Variants in PAQR8 observed in about 807,000 individuals in gnomAD.
PAQR8 encodes the protein membrane progestin receptor beta.
In PAQR8, 17 loss-of-function variants were observed where a neutral mutation model predicts 25.2. The observed-to-expected ratio is 0.67, with a 90% confidence interval of 0.46 to 1.01. The LOEUF (loss-of-function observed/expected upper bound fraction) is 1.01, where lower values mean the gene tolerates loss of function less well. Ranked by LOEUF, PAQR8 falls within the 50% of genes least tolerant of loss-of-function variation. The pLI is 0.00. For synonymous variants in PAQR8, 204 were observed against 190.6 expected (o/e 1.07, Z -0.58); for missense variants, 392 against 448.4 (o/e 0.87, Z 1.14).
rs1453814627 is a variant in PAQR8, at chr6:52,403,660, T to G, written c.447T>G (p.Val149=). The G allele has an allele frequency of 6.2e-7, 1 of 1,614,230 alleles. No individual in the cohort carries two copies. Among genetic ancestry groups the G allele is most frequent in the African/African-American group, 1.3e-5 (1 of 75,080 alleles). Residue 149 remains valine (V), a synonymous_variant, in exon 2 of 2, where the codon GTT becomes GTG. Coordinates refer to ENST00000442253, the MANE Select transcript of PAQR8 (RefSeq NM_133367.5). ...ACACCTTCTACTTTGTGGACTATGTTGGCGTGAGCGTTTACCAATATGGCA... is the reference window on the plus strand; with the variant it reads ...ACACCTTCTACTTTGTGGACTATGTGGGCGTGAGCGTTTACCAATATGGCA... The part of the protein sequence containing the change: ...SHYTFYFVDY[V]GVSVYQYGSA...
rs909812638 is a variant in PAQR8, at chr6:52,379,619, C to CTTTTTTT, written c.-53+17389_-53+17395dup. Reference sequence around the variant, plus strand: ...GGTGCGTACCGCCACACCCAGCTTTCTTTTTTTTTTTTTTTTTTTTTTTTT... The same window carrying CTTTTTTT: ...GGTGCGTACCGCCACACCCAGCTTTCTTTTTTTTTTTTTTTTTTTTTTTTTTTTTTTT... On this transcript the variant is annotated intron_variant, in intron 1 of 1. Coordinates refer to ENST00000442253, the MANE Select transcript of PAQR8 (RefSeq NM_133367.5). Among the ~76,000 whole-genome samples the CTTTTTTT allele has an allele frequency of 4.7e-3, 366 of 77,128 alleles. 24 individuals are homozygous for CTTTTTTT. Among genetic ancestry groups the CTTTTTTT allele is most frequent in the Non-Finnish European group, 7.3e-3 (290 of 39,692 alleles). The allele number at this position is 77,128 out of a possible 152,430, so 50.6% of individuals were successfully genotyped here. A position where few individuals can be genotyped will look rare whatever the true frequency, so the allele number is the denominator to read the frequency against.
At chr6:52,371,639 A>G (rs1015406430) in intron 1 of PAQR8, among the ~76,000 whole-genome samples, 1 of 152,234 alleles carries the variant, frequency 6.6e-6, no homozygotes, top group African/African-American at 2.4e-5. Flanking sequence ...CATTGGGTCT[A>G]AATATTAACC....
rs539561091 is a variant in PAQR8 at position 52,391,570 on chromosome 6, A to C, written c.-52-11592A>C. Among the ~76,000 whole-genome samples the C allele has an allele frequency of 2.6e-5, 4 of 152,340 alleles. 1 individual carries two copies. The South Asian group carries it at 8.3e-4, about 32-fold the overall frequency. On this transcript the variant is annotated intron_variant, in intron 1 of 1. Transcript: ENST00000442253. ...CAAATAGTGATATGCTCCTTGGAAG[A>C]TGTAGCTATAAAGATCAGTATGAGC... is the stretch of plus-strand genomic sequence containing the variant.
intron 1 of PAQR8, among the ~76,000 whole-genome samples, chr6:52,374,958 ATAT>A (rs565651930): frequency 8.7e-5 from 13 of 149,904 alleles, no homozygotes; most frequent in African/African-American, 2.7e-4. Context: ...TAATATAATA[ATAT>A]TAGAGATAAT....
At chr6:52,374,980 T>C (rs1763468391) in intron 1 of PAQR8, among the ~76,000 whole-genome samples, 2 of 150,812 alleles carry the variant, frequency 1.3e-5, no homozygotes, top group African/African-American at 4.8e-5. Flanking sequence ...ATGAGGGAAA[T>C]ACATTTTCAG....
chr6:52,364,936 A>G (rs370777105), intron 1 of PAQR8, among the ~76,000 whole-genome samples: 5 of 152,128 alleles, frequency 3.3e-5, no homozygotes, highest in African/African-American at 1.2e-4. Context: ...TTGAAGCACA[A>G]CCTTCATTTT....
chr6:52,384,305 T>G (rs2113942665), intron 1 of PAQR8, among the ~76,000 whole-genome samples: 1 of 152,340 alleles, frequency 6.6e-6, no homozygotes, highest in Admixed American at 6.5e-5. Flanking sequence ...GTACTATGGC[T>G]TTCTATAGCA....
chr6:52,369,540 A>G (rs953783121), intron 1 of PAQR8, among the ~76,000 whole-genome samples: 3 of 152,252 alleles, frequency 2.0e-5, no homozygotes, highest in Middle Eastern at 3.2e-3. Context: ...AAAAGGTTCA[A>G]AATAAATCCG....
intron 1 of PAQR8, among the ~76,000 whole-genome samples, chr6:52,388,202 C>G (rs1763655035): frequency 6.6e-6 from 1 of 152,034 alleles, no homozygotes; most frequent in African/African-American, 2.4e-5. Flanking sequence ...ATGGCGAAAC[C>G]CCATCTCTAC....
At position 52,404,267 on chromosome 6, in the gene PAQR8, A is replaced by G; in HGVS notation, c.1054A>G (p.Lys352Glu). The change falls in exon 2 of 2, where the codon AAA (lysine) becomes GAA (glutamate). Residue 352 changes from lysine to glutamate, a missense_variant. By Grantham distance (56) the Lys-to-Glu change is moderately conservative (BLOSUM62 1). Transcript: ENST00000442253. ...RHKVKARLTK[K>E]DS The stretch of plus-strand genomic sequence containing the variant: ...CAAAGTCAAGGCCAGACTGACCAAG[A>G]AAGATTCCTGAGGCTGGCAAGTGGG... 1 of 1,590,280 alleles carries G rather than the reference A, an allele frequency of 6.3e-7. No individual in the cohort carries two copies. The highest frequency in any genetic ancestry group is 8.6e-7 in the Non-Finnish European group (1 of 1,161,680).
intron 1 of PAQR8, among the ~76,000 whole-genome samples, chr6:52,373,079 T>C (rs1763439118): frequency 6.6e-6 from 1 of 152,210 alleles, no homozygotes; most frequent in African/African-American, 2.4e-5. Context: ...TAGCTAATCC[T>C]TGCATTACAG....
At chr6:52,394,855 A>C (rs1436659423) in intron 1 of PAQR8, among the ~76,000 whole-genome samples, 1 of 152,190 alleles carries the variant, frequency 6.6e-6, no homozygotes, top group African/African-American at 2.4e-5. Context: ...AAGAACACCT[A>C]AATGCACAAT....
At chr6:52,380,389 G>A (rs1237986353) in intron 1 of PAQR8, among the ~76,000 whole-genome samples, 1 of 152,218 alleles carries the variant, frequency 6.6e-6, no homozygotes, top group Non-Finnish European at 1.5e-5. Context: ...AGCTGTGGAC[G>A]TGGACATTTC....
chr6:52,403,516 C>T lies in PAQR8; in HGVS notation c.303C>T (p.Ala101=), dbSNP rs1327290147. ...LRFWAFAEAE[A]LPWASTHSLP... is the part of the protein sequence containing the mutation. ...TCTGGGCCTTTGCCGAGGCTGAGGC[C>T]TTGCCATGGGCGTCTACCCACTCCC... The change falls in exon 2 of 2, where the codon GCC becomes GCT. Residue 101 remains alanine, a synonymous_variant. Transcript: ENST00000442253. 6 of 1,613,984 alleles carry T rather than the reference C, an allele frequency of 3.7e-6. No individual in the cohort carries two copies. The highest frequency in any genetic ancestry group is 5.1e-6 in the Non-Finnish European group (6 of 1,180,050).
intron 1 of PAQR8, among the ~76,000 whole-genome samples, chr6:52,402,230 G>A (rs1216414895): frequency 6.6e-6 from 1 of 152,088 alleles, no homozygotes; most frequent in Non-Finnish European, 1.5e-5. Context: ...TGGGTGTGGT[G>A]GTGCATGCCT....
At chr6:52,371,893 T>C (rs1763423355) in intron 1 of PAQR8, among the ~76,000 whole-genome samples, 1 of 152,130 alleles carries the variant, frequency 6.6e-6, no homozygotes, top group Admixed American at 6.5e-5. Flanking sequence ...AGATGCCTTG[T>C]TTGTGTGGGG....
At chr6:52,384,529 A>G (rs1763607093) in intron 1 of PAQR8, among the ~76,000 whole-genome samples, 1 of 132,960 alleles carries the variant, frequency 7.5e-6, no homozygotes, top group African/African-American at 2.6e-5. Flanking sequence ...AGAGGTTATG[A>G]GACACCCAAA....
chr6:52,390,710 T>C (rs532222634), intron 1 of PAQR8, among the ~76,000 whole-genome samples: 1 of 152,264 alleles, frequency 6.6e-6, no homozygotes, highest in East Asian at 1.9e-4. Context: ...ATGTTACATA[T>C]TTTTTTCCCT....
chr6:52,392,231 C>A (rs912043835), intron 1 of PAQR8, among the ~76,000 whole-genome samples: 6 of 152,088 alleles, frequency 3.9e-5, no homozygotes, highest in Admixed American at 3.9e-4. Context: ...TTAGTCCCAA[C>A]TACTCGGGAG....
Sources: allele counts gnomAD v4.1 joint callset (sites outside exome capture counted in the v4.1 genomes callset), GRCh38; gene constraint gnomAD v4.1.1; transcripts MANE v1.5; gene names NCBI Gene and HGNC (gene_info 2026-07-23, HGNC 2026-07-21).